GRAMD1B: variants seen among roughly 807,000 people sequenced by gnomAD.
The protein encoded by GRAMD1B is protein Aster-B.
Under a neutral mutation model 99.7 loss-of-function variants are expected in GRAMD1B, and 37 were observed. The observed-to-expected ratio is 0.37, with a 90% CI of 0.29 to 0.49. The LOEUF (loss-of-function observed/expected upper bound fraction) is 0.49, where lower values mean the gene tolerates loss of function less well. GRAMD1B is among the 20% of genes least tolerant of loss of function. The pLI is 0.98. For missense variants in GRAMD1B, 888 were observed against 1,009.2 expected (o/e 0.88, Z 1.63); for synonymous variants, 427 against 387.6 (o/e 1.10, Z -1.19).
intron 1 of GRAMD1B, among the ~76,000 whole-genome samples, chr11:123,465,774 G>GAA (rs149234901): frequency 3.5e-4 from 48 of 136,816 alleles, no homozygotes; most frequent in South Asian, 1.2e-3. Flanking sequence ...CATCTCGAAA[G>GAA]AAAAAAAAAA....
chr11:123,618,957 C>T, intron 18 of GRAMD1B, 150 bp from the exon 19 acceptor site: 1 of 686,820 alleles, frequency 1.5e-6, no homozygotes, highest in Non-Finnish European at 2.6e-6. Flanking sequence ...TTTCAGCCCA[C>T]TTCTGATCTG....
chr11:123,609,168 G>C (rs1859970520), intron 12 of GRAMD1B, among the ~76,000 whole-genome samples: 1 of 152,110 alleles, frequency 6.6e-6, no homozygotes, highest in Non-Finnish European at 1.5e-5. Context: ...ATCTCATTCA[G>C]ACCTCACAGC....
intron 1 of GRAMD1B, among the ~76,000 whole-genome samples, chr11:123,379,671 T>C (rs1281490051): frequency 6.6e-6 from 1 of 152,266 alleles, no homozygotes; most frequent in African/African-American, 2.4e-5. Context: ...TGTGGACATG[T>C]TTTCATTTCT....
chr11:123,538,051 G>A (rs1944140262), intron 2 of GRAMD1B, among the ~76,000 whole-genome samples: 1 of 152,254 alleles, frequency 6.6e-6, no homozygotes, highest in South Asian at 2.1e-4. Flanking sequence ...TCCTTGCCAG[G>A]AAAAGGAATA....
At chr11:123,583,400 G>A (rs111696360) in intron 3 of GRAMD1B, among the ~76,000 whole-genome samples, 22 of 150,612 alleles carry the variant, frequency 1.5e-4, no homozygotes, top group Non-Finnish European at 2.7e-4. Context: ...GTGTGCGTGT[G>A]TGTGTGTGTC....
chr11:123,605,741 G>A (rs544580979), intron 10 of GRAMD1B, among the ~76,000 whole-genome samples: 1 of 152,232 alleles, frequency 6.6e-6, no homozygotes, highest in Admixed American at 6.5e-5. Flanking sequence ...AGCCCACTGT[G>A]CTGGGCTGCT....
intron 1 of GRAMD1B, among the ~76,000 whole-genome samples, chr11:123,381,795 A>C (rs990251663): frequency 2.6e-5 from 4 of 152,136 alleles, no homozygotes; most frequent in Admixed American, 2.6e-4. Context: ...ATTGCAAACT[A>C]CTGATTTGTT....
intron 1 of GRAMD1B, among the ~76,000 whole-genome samples, chr11:123,441,831 T>C (rs1949422146): frequency 6.6e-6 from 1 of 152,080 alleles, no homozygotes; most frequent in South Asian, 2.1e-4. Context: ...ACATGCTATT[T>C]GGAGGGGAGA....
chr11:123,607,825 G>C (rs1387248805), intron 11 of GRAMD1B: 1 of 152,268 alleles, frequency 6.6e-6, no homozygotes, highest in Non-Finnish European at 1.5e-5. Flanking sequence ...AAGGGTTCGG[G>C]GGGGAGCACT....
At chr11:123,517,941 TC>T (rs1248057743) in intron 2 of GRAMD1B, among the ~76,000 whole-genome samples, 2 of 152,180 alleles carry the variant, frequency 1.3e-5, no homozygotes, top group Non-Finnish European at 2.9e-5. Flanking sequence ...ATAAGCACCC[TC>T]CTGGGTCCCT....
chr11:123,394,460 A>G (rs1358184326), intron 1 of GRAMD1B, among the ~76,000 whole-genome samples: 2 of 152,178 alleles, frequency 1.3e-5, no homozygotes, highest in Admixed American at 6.5e-5. Context: ...CAAGGCTGCA[A>G]TTGCAGCCTC....
Position 123,577,437 on chromosome 11 carries a change from A to G in GRAMD1B, c.523A>G (p.Thr175Ala), listed in dbSNP as rs1948836480. 2 of 1,602,386 alleles carry G rather than the reference A, an allele frequency of 1.2e-6. No individual in the cohort carries two copies. The highest frequency in any genetic ancestry group is 1.7e-6 in the Non-Finnish European group (2 of 1,174,872). The stretch of plus-strand genomic sequence containing the variant: ...CCTCCGGAAGCGGTCTCGCTCGCCA[A>G]CCCCGCAGAACCAGGACGGAGACAC... Reference protein sequence around the residue: ...PILRKRSRSPTPQNQDGDTMV... With the variant: ...PILRKRSRSPAPQNQDGDTMV... The change falls in exon 3 of 20, where the codon ACC becomes GCC. Residue 175 changes from threonine (T) to alanine (A), a missense_variant. This residue lies in a region of GRAMD1B where 233 missense variants were observed against 154.6 expected (regional missense o/e 1.51). Coordinates refer to ENST00000635736, the MANE Select transcript of GRAMD1B (RefSeq NM_001387025.1).
chr11:123,609,243 T>C (rs1487564402), intron 12 of GRAMD1B, among the ~76,000 whole-genome samples: 1 of 152,194 alleles, frequency 6.6e-6, no homozygotes, highest in African/African-American at 2.4e-5. Context: ...CCTGACCTCA[T>C]GCAGCTAAGA....
intron 1 of GRAMD1B, among the ~76,000 whole-genome samples, chr11:123,363,672 G>A (rs79707765): frequency 0.013 from 2,029 of 152,206 alleles, 17 homozygotes; most frequent in African/African-American, 0.029. Context: ...GCTAAAAATG[G>A]CTCACTTTGG....
Position 123,389,620 on chromosome 11 carries a change from T to G in GRAMD1B, c.-176+30821T>G, listed in dbSNP as rs528650015. Among the ~76,000 whole-genome samples the G allele has an allele frequency of 2.0e-5, 3 of 152,312 alleles. No individual in the cohort carries two copies. The East Asian group carries it at 5.8e-4, about 29-fold the overall frequency. On this transcript the variant is annotated intron_variant, in intron 1 of 20. Coordinates refer to the GRAMD1B transcript ENST00000638157. ...ATGAAGAATGGAGTTTAATTAATAA[T>G]TATGTATTAATATTGATTGTTGGTA...
Position 123,610,042 on chromosome 11 carries a change from C to A in GRAMD1B, c.1776+129C>A. ...TCATTTTGCCCCAAAGCGGTGGTGG[C>A]GTCTTGCTTGTTTAGTTGCTGCTGA... On this transcript the variant is annotated intron_variant, in intron 13 of 19. Coordinates refer to ENST00000635736, the MANE Select transcript of GRAMD1B (RefSeq NM_001387025.1). This position sits in a 1 kb window ranked among gnomAD's most constrained non-coding sequence, Gnocchi z 4.1. The A allele has an allele frequency of 1.2e-6, 1 of 832,624 alleles. No homozygotes were observed. The highest frequency in any genetic ancestry group is 1.6e-5 in the South Asian group (1 of 62,018). The allele number at this position is 832,624 out of a possible 1,614,324, so 51.6% of individuals were successfully genotyped here. A position where few individuals can be genotyped will look rare whatever the true frequency, so the allele number is the denominator to read the frequency against.
chr11:123,554,300 C>G (rs1397095380), intron 2 of GRAMD1B, among the ~76,000 whole-genome samples: 1 of 152,170 alleles, frequency 6.6e-6, no homozygotes, highest in Admixed American at 6.5e-5. Context: ...TCCTACTCAT[C>G]TGAGTTTCTT....
chr11:123,582,045 T>C (rs1250544578), intron 3 of GRAMD1B, among the ~76,000 whole-genome samples: 1 of 152,236 alleles, frequency 6.6e-6, no homozygotes, highest in Non-Finnish European at 1.5e-5. Context: ...GCTTGGGAGA[T>C]GGTTTCTCCG....
intron 2 of GRAMD1B, among the ~76,000 whole-genome samples, chr11:123,500,586 A>T (rs1939751067): frequency 6.6e-6 from 1 of 152,146 alleles, no homozygotes; most frequent in Non-Finnish European, 1.5e-5. Context: ...GAAAATGCAG[A>T]GTGTCTGTGT....
Sources: gnomAD v4.1 joint callset for allele counts (sites outside exome capture counted in the v4.1 genomes callset) on GRCh38, gnomAD v4.1.1 for gene constraint, gnomAD v4.1.1 regional missense constraint, Gnocchi (gnomAD v3.1) non-coding constraint, MANE v1.5 for transcripts, NCBI Gene and HGNC (gene_info 2026-07-23, HGNC 2026-07-21) for gene names.